Variants in ABCC5 observed in about 807,000 individuals in gnomAD.
The protein encoded by ABCC5 is ATP binding cassette subfamily C member 5, also known as ATP-binding cassette sub-family C member 5.
A neutral mutation model predicts 160.9 loss-of-function variants in ABCC5; 61 were observed. That is an observed-to-expected ratio of 0.38 (90% CI 0.31 to 0.47). The LOEUF (loss-of-function observed/expected upper bound fraction) is 0.47. Ranked by LOEUF, ABCC5 falls within the 20% of genes least tolerant of loss-of-function variation. ABCC5 has a pLI of 0.99. For missense variants in ABCC5, 1,308 were observed against 1,813.3 expected (o/e 0.72, Z 5.06); for synonymous variants, 666 against 700.6 (o/e 0.95, Z 0.78).
At chr3:183,971,403 G>A (rs1053509401) in intron 11 of ABCC5, among the ~76,000 whole-genome samples, 160 bp downstream of exon 11, 5 of 152,060 alleles carry the variant, frequency 3.3e-5, no homozygotes, top group African/African-American at 7.2e-5. Flanking sequence ...ATGCTTAGTT[G>A]GTTTTTTTTT....
intron 10 of ABCC5, among the ~76,000 whole-genome samples, chr3:183,974,655 A>G (rs1186306824): frequency 6.6e-6 from 1 of 152,212 alleles, no homozygotes; most frequent in Non-Finnish European, 1.5e-5. Context: ...TTTCAGTATA[A>G]GTATATTCCA....
intron 2 of ABCC5, among the ~76,000 whole-genome samples, chr3:184,009,465 C>A (rs1423676439): frequency 6.6e-6 from 1 of 152,188 alleles, no homozygotes; most frequent in East Asian, 1.9e-4. Flanking sequence ...TACAGGAATT[C>A]TGCTTCCCAA....
intron 2 of ABCC5, chr3:184,006,492 C>CT (rs1372941458): frequency 6.6e-6 from 1 of 152,120 alleles, no homozygotes; most frequent in African/African-American, 2.4e-5. Flanking sequence ...AACACAAGGG[C>CT]ATAGACAAAT....
At chr3:183,936,315 C>A (rs966937044) in intron 26 of ABCC5, among the ~76,000 whole-genome samples, 1 of 152,110 alleles carries the variant, frequency 6.6e-6, no homozygotes, top group Admixed American at 6.6e-5. Context: ...GTTGTTTAAG[C>A]CACCCAGTCT....
In ABCC5 at chr3:183,951,769, C is replaced by A; in HGVS notation, c.2814+88G>T. 6.5e-7 allele frequency: 1 copy of A among 1,545,222 alleles called. No individual in the cohort carries two copies. The highest frequency in any genetic ancestry group is 1.2e-5 in the South Asian group (1 of 85,390). On this transcript the variant is annotated intron_variant, in intron 19 of 29. Transcript: ENST00000334444. The surrounding 1 kb of genome is among the most constrained non-coding windows in gnomAD (Gnocchi z 4.7). Reference sequence around the variant, plus strand: ...GGGCCATCCTGGTTAAGGGAGCTCCCCTACTCAGCATGAACTGAGAGACGC... The same window carrying A: ...GGGCCATCCTGGTTAAGGGAGCTCCACTACTCAGCATGAACTGAGAGACGC...
chr3:184,015,792 G>C (rs1418832158), intron 1 of ABCC5, among the ~76,000 whole-genome samples: 1 of 152,142 alleles, frequency 6.6e-6, no homozygotes, highest in African/African-American at 2.4e-5. Flanking sequence ...ACCTCATTAA[G>C]GCTAAACTAT....
intron 2 of ABCC5, among the ~76,000 whole-genome samples, chr3:183,993,152 A>G (rs935238582): frequency 3.9e-5 from 6 of 152,170 alleles, no homozygotes; most frequent in African/African-American, 1.2e-4. Context: ...CTGATTTGCA[A>G]TGAGAGTCTA....
chr3:183,947,546 T>C, intron 22 of ABCC5, 36 bp from the exon 23 acceptor site: 1 of 1,535,768 alleles, frequency 6.5e-7, no homozygotes, highest in Non-Finnish European at 8.8e-7. Context: ...GCAAAGAAAG[T>C]ACTACACAAC....
intron 25 of ABCC5, chr3:183,942,441 T>A (rs1018562282): frequency 3.4e-6 from 2 of 586,794 alleles, no homozygotes; most frequent in Non-Finnish European, 6.4e-6. Flanking sequence ...ACCAAAATGT[T>A]ACCAGTGCTT....
chr3:183,981,811 C>T lies in ABCC5; in HGVS notation c.1063G>A (p.Val355Ile). 1.9e-6 allele frequency: 3 copies of T among 1,612,012 alleles called. No homozygotes were observed. The highest frequency in any genetic ancestry group is 2.5e-6 in the Non-Finnish European group (3 of 1,179,466). The change falls in exon 8 of 30, where the codon GTC becomes ATC. Residue 355 changes from valine to isoleucine, a missense_variant. By Grantham distance (29) the Val-to-Ile change is conservative (BLOSUM62 3). This residue lies in a region of ABCC5 where 1,142 missense variants were observed against 1,527.1 expected (regional missense o/e 0.75). Coordinates refer to ENST00000334444, the MANE Select transcript of ABCC5 (RefSeq NM_005688.4). ...RKCVAATDERVQKMNEVLTYI... is the reference protein window; with the variant it reads ...RKCVAATDERIQKMNEVLTYI... ...GTAAGAACTTCATTCATCTTCTGGA[C>T]ACGTTCATCCGTGGCGGCCACGCAT...
intron 8 of ABCC5, among the ~76,000 whole-genome samples, chr3:183,980,666 T>C (rs1718634594): frequency 1.3e-5 from 2 of 152,150 alleles, no homozygotes; most frequent in Admixed American, 6.5e-5. Context: ...TCCTGAAGGT[T>C]ACTCAATGAA....
In ABCC5 at chr3:183,925,572, C is replaced by T; in HGVS notation, c.4195G>A (p.Val1399Met). ...CTCGGTACCTGTCCCTGGGCCAGCA[C>T]CATAATCCTATCGGAGCCTAGAACC... ...HTVLGSDRIM[V>M]LAQGQVVEFD... is the part of the protein sequence containing the mutation. The change falls in exon 29 of 30, where the codon GTG becomes ATG. Residue 1399 changes from valine (V) to methionine (M), a missense_variant. By Grantham distance (21) the Val-to-Met change is conservative. Transcript: ENST00000334444. 1 of 1,614,036 alleles carries T rather than the reference C, an allele frequency of 6.2e-7. No homozygotes were observed. The highest frequency in any genetic ancestry group is 1.1e-5 in the South Asian group (1 of 91,078).
chr3:183,929,069 T>C (rs971395214), intron 26 of ABCC5, among the ~76,000 whole-genome samples: 4 of 152,232 alleles, frequency 2.6e-5, no homozygotes, highest in South Asian at 2.1e-4. Flanking sequence ...ATACTAGTTA[T>C]AGAACAATTT....
At chr3:183,928,883 G>A (rs1008553809) in intron 26 of ABCC5, 58 bp from the exon 27 acceptor site, 4 of 1,417,564 alleles carry the variant, frequency 2.8e-6, no homozygotes, top group Non-Finnish European at 4.0e-6. Flanking sequence ...CATTGGCAAA[G>A]GCTGTCTGTG....
At chr3:183,927,559 CTG>C in intron 27 of ABCC5, 116 bp from the exon 28 acceptor site, 1 of 1,456,976 alleles carries the variant, frequency 6.9e-7, no homozygotes, top group Non-Finnish European at 9.1e-7. Context: ...AGCCAAGAAC[CTG>C]TCTCATCTGG....
intron 27 of ABCC5, 148 bp from the exon 28 acceptor site, chr3:183,927,591 T>C: frequency 7.0e-7 from 1 of 1,423,902 alleles, no homozygotes; most frequent in Non-Finnish European, 9.2e-7. Flanking sequence ...GCAGGTGTAC[T>C]GATCATGCGT....
chr3:183,957,983 C>A (rs376119399), intron 17 of ABCC5, among the ~76,000 whole-genome samples: 18 of 84,822 alleles, frequency 2.1e-4, no homozygotes, highest in African/African-American at 5.5e-4. Context: ...TCCGTGTGTA[C>A]ATCACATCGG....
At chr3:183,961,735 C>G (rs1716756617) in intron 15 of ABCC5, 81 bp from the exon 16 acceptor site, 2 of 1,534,484 alleles carry the variant, frequency 1.3e-6, no homozygotes, top group East Asian at 4.5e-5. Context: ...CAGTAGTTCT[C>G]TACAGGAGAC....
chr3:183,975,207 T>C (rs1448086055), intron 10 of ABCC5, among the ~76,000 whole-genome samples: 3 of 152,120 alleles, frequency 2.0e-5, no homozygotes, highest in African/African-American at 7.2e-5. Flanking sequence ...CTCAGAAACA[T>C]AATAAACAGT....
Sources: allele counts gnomAD v4.1 joint callset (sites outside exome capture counted in the v4.1 genomes callset), GRCh38; gene constraint gnomAD v4.1.1; regional missense constraint gnomAD v4.1.1; non-coding constraint Gnocchi (gnomAD v3.1); transcripts MANE v1.5; gene names NCBI Gene and HGNC (gene_info 2026-07-23, HGNC 2026-07-21).